POLRMT: variants seen among roughly 807,000 people sequenced by gnomAD.
POLRMT encodes DNA-directed RNA polymerase, mitochondrial.
In POLRMT, 114 loss-of-function variants were observed where a neutral mutation model predicts 132.2. That is an observed-to-expected ratio of 0.86 (90% CI 0.74 to 1.01). The LOEUF (loss-of-function observed/expected upper bound fraction) is 1.01, where lower values mean the gene tolerates loss of function less well. Ranked by LOEUF, POLRMT falls within the 50% of genes least tolerant of loss-of-function variation. The pLI, the probability that POLRMT is intolerant of heterozygous loss-of-function variation, is 0.00. For synonymous variants in POLRMT, 1,020 were observed against 773.4 expected (o/e 1.32, Z -5.29); for missense variants, 2,003 against 1,729.1 (o/e 1.16, Z -2.81).
intron 3 of POLRMT, among the ~76,000 whole-genome samples, chr19:627,139 T>C (rs1038775339): frequency 6.8e-6 from 1 of 146,022 alleles, no homozygotes; most frequent in African/African-American, 2.6e-5. Context: ...GAGACATGAG[T>C]TTTGGGGCAT....
Position 633,526 on chromosome 19 carries a change from C to T in POLRMT, c.-14G>A, listed in dbSNP as rs779840030. 7.0e-5 allele frequency: 101 copies of T among 1,436,156 alleles called. 1 individual carries two copies. The African/African-American group carries it at 1.3e-3, about 19-fold the overall frequency. The allele number at this position is 1,436,156 out of a possible 1,614,324, so 89.0% of individuals were successfully genotyped here. On this transcript the variant is annotated 5_prime_UTR_variant, in exon 1 of 21. Coordinates refer to ENST00000588649, the MANE Select transcript of POLRMT (RefSeq NM_005035.4). Reference sequence around the variant, plus strand: ...AAGTGCCGACATTACGCACGCCGCTCCAGGCCACCCCACCGGCCCGCGCCT... The same window carrying T: ...AAGTGCCGACATTACGCACGCCGCTTCAGGCCACCCCACCGGCCCGCGCCT...
rs1442394366 is a variant in POLRMT, at chr19:624,875, C to T, written c.984G>A (p.Leu328=). Residue 328 remains leucine (L), a synonymous_variant, in exon 5 of 21, where the codon CTG becomes CTA. Transcript: ENST00000588649. ...CGGCGGTGAAGAGTGCCTGCAGCTT[C>T]AGCCCCTCCTGGCTCATCTGTTCCA... ...RCLEQMSQEG[L]KLQALFTAVL... 6.2e-7 allele frequency: 1 copy of T among 1,612,744 alleles called. No homozygotes were observed. Among genetic ancestry groups the T allele is most frequent in the East Asian group, 2.2e-5 (1 of 44,868 alleles).
At chr19:631,315 A>G (rs889757490) in intron 2 of POLRMT, among the ~76,000 whole-genome samples, 2 of 131,294 alleles carry the variant, frequency 1.5e-5, no homozygotes, top group African/African-American at 5.7e-5. Flanking sequence ...GAGACAGAGC[A>G]GGACCCTGTC....
rs377137830 is a variant in POLRMT at position 619,305 on chromosome 19, G to A, written c.3067-9C>T. The A allele has an allele frequency of 1.1e-4, 174 of 1,608,628 alleles. No homozygotes were observed. The highest frequency in any genetic ancestry group is 4.5e-4 in the Middle Eastern group (2 of 4,494). On this transcript the variant is annotated splice_polypyrimidine_tract_variant and intron_variant, in intron 13 of 20. Transcript: ENST00000588649. Reference sequence around the variant, plus strand: ...GCCTCCCACACGAACTCCTGCAGAGGGCGGGCAGCAGGTGCAGGTCCTCAG... The same window carrying A: ...GCCTCCCACACGAACTCCTGCAGAGAGCGGGCAGCAGGTGCAGGTCCTCAG...
chr19:628,787 G>A (rs1985204313), intron 3 of POLRMT, among the ~76,000 whole-genome samples: 1 of 152,078 alleles, frequency 6.6e-6, no homozygotes. Context: ...GGCAGATCAC[G>A]AGGTCAGGAG....
At chr19:633,391 C>G in intron 1 of POLRMT, 34 bp downstream of exon 1, 1 of 1,484,276 alleles carries the variant, frequency 6.7e-7, no homozygotes. Context: ...ACGCCGTGGC[C>G]CCCGGGCTGC....
rs1323809709 is a variant in POLRMT, at chr19:617,839, T to G, written c.3433A>C (p.Thr1145Pro). 1 of 1,613,074 alleles carries G rather than the reference T, an allele frequency of 6.2e-7. No individual in the cohort carries two copies. Residue 1145 changes from threonine (T) to proline (P), a missense_variant, in exon 18 of 21, where the codon ACC becomes CCC. Coordinates refer to ENST00000588649, the MANE Select transcript of POLRMT (RefSeq NM_005035.4). Reference protein sequence around the residue: ...TALHCYRKGLTFVSVHDCYWT... With the variant: ...TALHCYRKGLPFVSVHDCYWT... ...TAACAGTCGTGCACAGAGACGAAGG[T>G]CAGGCCCTTCCTGTGGCAGAGCGGA...
Position 624,728 on chromosome 19 carries a change from C to G in POLRMT, c.1131G>C (p.Val377=), listed in dbSNP as rs1161378786. Residue 377 remains valine (V), a synonymous_variant, in exon 5 of 21, where the codon GTG becomes GTC. Coordinates refer to ENST00000588649, the MANE Select transcript of POLRMT (RefSeq NM_005035.4). Reference sequence around the variant, plus strand: ...GCCCACGTGGGCTCACCTTGGCATACACGTCCCTGAGCAGCTTGGAGGTGT... The same window carrying G: ...GCCCACGTGGGCTCACCTTGGCATAGACGTCCCTGAGCAGCTTGGAGGTGT... ...PVNTSKLLRD[V]YAKDGRVSYP... The G allele has an allele frequency of 5.6e-6, 9 of 1,613,002 alleles. No homozygotes were observed. Among genetic ancestry groups the G allele is most frequent in the Non-Finnish European group, 7.6e-6 (9 of 1,179,572 alleles).
rs769049100 is a variant in POLRMT at position 618,502 on chromosome 19, G to A, written c.3408C>T (p.Ala1136=). The A allele has an allele frequency of 2.5e-6, 4 of 1,611,476 alleles. No homozygotes were observed. The highest frequency in any genetic ancestry group is 1.7e-5 in the Admixed American group (1 of 59,866). ...GAGACGCCCACCTGTAGCAGTGCAG[G>A]GCGGTGAGCATCATGTGGGAGGAGT... ...SLDSSHMMLT[A]LHCYRKGLTF... The change falls in exon 17 of 21, where the codon GCC becomes GCT. Residue 1136 remains alanine (A), a synonymous_variant. Transcript: ENST00000588649.
intron 2 of POLRMT, among the ~76,000 whole-genome samples, chr19:632,086 C>T (rs1568178276): frequency 6.8e-6 from 1 of 147,610 alleles, no homozygotes; most frequent in Non-Finnish European, 1.5e-5. Context: ...GACCCTTGAC[C>T]TCTTGATCCG....
At chr19:619,544 C>T (rs367925700) in intron 13 of POLRMT, 42 bp downstream of exon 13, 35 of 1,607,234 alleles carry the variant, frequency 2.2e-5, no homozygotes, top group Middle Eastern at 3.4e-4. Context: ...TTTTAAATGG[C>T]AGTGAAACCA....
Position 629,915 on chromosome 19 carries a change from C to T in POLRMT, c.447G>A (p.Gln149=). The part of the protein sequence containing the change: ...RLKAKLQMPF[Q]SGEFKALTRR... ...TGGTCAGCGCCTTGAACTCCCCGCT[C>T]TGGAATGGCATCTGCAGCTTCGCCT... The change falls in exon 3 of 21, where the codon CAG becomes CAA. Residue 149 remains glutamine, a synonymous_variant. Transcript: ENST00000588649. 6.2e-7 allele frequency: 1 copy of T among 1,613,616 alleles called. No homozygotes were observed. Among genetic ancestry groups the T allele is most frequent in the Non-Finnish European group, 8.5e-7 (1 of 1,179,974 alleles).
At chr19:618,792 C>T in intron 15 of POLRMT, 32 bp from the exon 16 acceptor site, 2 of 1,570,552 alleles carry the variant, frequency 1.3e-6, no homozygotes, top group South Asian at 1.2e-5. Flanking sequence ...TGAGTCCCAC[C>T]CGAGGCCCAG....
In POLRMT at chr19:633,529, G is replaced by GGCACCGCCGCCGCCGCCGCC; in HGVS notation, c.-18_-17insGGCGGCGGCGGCGGCGGTGC. On this transcript the variant is annotated 5_prime_UTR_variant, in exon 1 of 21. Transcript: ENST00000588649. Reference sequence around the variant, plus strand: ...TGCCGACATTACGCACGCCGCTCCAGGCCACCCCACCGGCCCGCGCCTGCG... The same window carrying GGCACCGCCGCCGCCGCCGCC: ...TGCCGACATTACGCACGCCGCTCCAGGCACCGCCGCCGCCGCCGCCGCCACCCCACCGGCCCGCGCCTGCG... The GGCACCGCCGCCGCCGCCGCC allele has an allele frequency of 6.8e-7, 1 of 1,463,692 alleles. No homozygotes were observed. The highest frequency in any genetic ancestry group is 9.0e-7 in the Non-Finnish European group (1 of 1,109,956). 90.7% of individuals were successfully genotyped at this position (1,463,692 alleles called of 1,614,324 possible). A position where few individuals can be genotyped will look rare whatever the true frequency, so the allele number is the denominator to read the frequency against.
At chr19:622,469 C>G (rs888932117) in intron 8 of POLRMT, 96 bp from the exon 9 acceptor site, 61 of 1,463,638 alleles carry the variant, frequency 4.2e-5, no homozygotes, top group Non-Finnish European at 5.3e-5. Flanking sequence ...TCTGTCAGCC[C>G]AAGCATACAG....
rs529763948 is a variant in POLRMT at position 624,661 on chromosome 19, G to A, written c.1140+58C>T. The A allele has an allele frequency of 5.3e-4, 831 of 1,558,522 alleles. 12 individuals are homozygous for A. In the South Asian group the frequency reaches 9.5e-3, roughly 18 times the overall value. The stretch of plus-strand genomic sequence containing the variant: ...CCCATTGGTCTGAGCTGAGGCTCCA[G>A]GAACCCCCAAAGGGCAGCTATAAGG... On this transcript the variant is annotated intron_variant, in intron 5 of 20. Transcript: ENST00000588649.
At position 619,974 on chromosome 19, in the gene POLRMT, CT is replaced by C. The variant is rs1323788735; in HGVS notation, c.2869del (p.Ser957AlafsTer34). 6.2e-7 allele frequency: 1 copy of C among 1,600,100 alleles called. No individual in the cohort carries two copies. Among genetic ancestry groups the C allele is most frequent in the Admixed American group, 1.7e-5 (1 of 59,078 alleles). ...ACACCCTACCTGCGCGGCCACGCCG[CT>C]GTACACGTCCTGCGGCACATCCGAG... ...EPSDVPQDVY[S>X]GVAAQVEVFR... On this transcript the variant is annotated frameshift_variant, in exon 12 of 21. Coordinates refer to ENST00000588649, the MANE Select transcript of POLRMT (RefSeq NM_005035.4). LOFTEE classifies it high-confidence loss of function.
At chr19:632,683 G>A (rs1985510228) in intron 2 of POLRMT, 151 bp downstream of exon 2, 6 of 616,168 alleles carry the variant, frequency 9.7e-6, no homozygotes, top group Non-Finnish European at 1.4e-5. Flanking sequence ...AGCGGTGCAA[G>A]AGATGTTTCA....
chr19:630,030 GCCC>G lies in POLRMT; in HGVS notation c.329_331del (p.Gly110del). ...ACAGGGCACCGGGGTGGCATCCTTG[GCCC>G]CCATCTGGACCTTCCTGGGTGGCTG... On this transcript the variant is annotated inframe_deletion, in exon 3 of 21. Transcript: ENST00000588649. 1.2e-6 allele frequency: 2 copies of G among 1,613,792 alleles called. No homozygotes were observed. The highest frequency in any genetic ancestry group is 1.7e-4 in the Middle Eastern group (1 of 5,972).
Sources: allele counts gnomAD v4.1 joint callset (sites outside exome capture counted in the v4.1 genomes callset), GRCh38; gene constraint gnomAD v4.1.1; transcripts MANE v1.5; gene names NCBI Gene and HGNC (gene_info 2026-07-23, HGNC 2026-07-21).